Variants in NPHP4 observed in about 807,000 individuals in gnomAD.
NPHP4 encodes nephrocystin-4.
In NPHP4, 151 loss-of-function variants were observed where a neutral mutation model predicts 155.8. That is an observed-to-expected ratio of 0.97 (90% CI 0.85 to 1.11). The LOEUF is 1.11. Among genes scored for constraint, NPHP4 ranks in the 50% least tolerant of loss-of-function variants. NPHP4 has a pLI of 0.00. For synonymous variants in NPHP4, 845 were observed against 816.8 expected, an observed-to-expected ratio of 1.03 and a Z score of -0.59; for missense variants, 1,956 against 1,925.7, an observed-to-expected ratio of 1.02 and a Z score of -0.29.
chr1:5,863,701 CTT>C, intron 29 of NPHP4, 187 bp downstream of exon 29: 2 of 658,232 alleles, frequency 3.0e-6, no homozygotes, highest in South Asian at 3.7e-5. Context: ...TCAGGAGAAA[CTT>C]TGCTAAATCT....
At chr1:5,915,492 G>A (rs1288577210) in intron 11 of NPHP4, among the ~76,000 whole-genome samples, 3 of 152,200 alleles carry the variant, frequency 2.0e-5, no homozygotes, top group African/African-American at 7.2e-5. Context: ...TTGTTCCTAA[G>A]AGTTTGAAAA....
chr1:5,975,208 G>T (rs1653327415), intron 3 of NPHP4, among the ~76,000 whole-genome samples: 3 of 152,154 alleles, frequency 2.0e-5, no homozygotes, highest in Admixed American at 1.3e-4. Context: ...ACACATGTTT[G>T]CACACACAGT....
rs34248917 is a variant in NPHP4 at position 5,890,953 on chromosome 1, C to A, written c.2219G>T (p.Arg740Leu). 2 of 1,602,832 alleles carry A rather than the reference C, an allele frequency of 1.2e-6. No individual in the cohort carries two copies. The highest frequency in any genetic ancestry group is 2.2e-5 in the South Asian group (2 of 89,974). ...LKPGERRCFA[R>L]YLAVQTLQID... ...CTGCAGGGTCTGCACGGCCAGGTAG[C>A]GGGCAAAGCAGCGCCGCTCACCTGG... The change falls in exon 17 of 30, where the codon CGC becomes CTC. Residue 740 changes from arginine to leucine, a missense_variant. Coordinates refer to ENST00000378156, the MANE Select transcript of NPHP4 (RefSeq NM_015102.5). The surrounding 1 kb of genome is among the most constrained non-coding windows in gnomAD (Gnocchi z 4.9).
Position 5,892,998 on chromosome 1 carries a change from C to A in NPHP4, c.2144-1970G>T, listed in dbSNP as rs1289217874. 2.0e-5 allele frequency among the ~76,000 whole-genome samples: 3 copies of A among 152,170 alleles called. No individual in the cohort carries two copies. Among genetic ancestry groups the A allele is most frequent in the Non-Finnish European group, 2.9e-5 (2 of 68,044 alleles). ...CTCTCCATTCAAAGGCAGATCCAGG[C>A]AACGATGAATGAGTGACAATCTAGA... On this transcript the variant is annotated intron_variant, in intron 16 of 29. Transcript: ENST00000378156. The surrounding 1 kb of genome is among the most constrained non-coding windows in gnomAD (Gnocchi z 4.5).
chr1:5,949,370 A>ACACACACACACACACACACACACC (rs55949618), intron 7 of NPHP4, among the ~76,000 whole-genome samples: 1 of 149,146 alleles, frequency 6.7e-6, no homozygotes, highest in Non-Finnish European at 1.5e-5. Context: ...ACACACACAC[A>ACACACACACACACACACACACACC]ACTTGCTAAC....
intron 9 of NPHP4, among the ~76,000 whole-genome samples, chr1:5,936,564 CTTT>C (rs1359537703): frequency 6.6e-6 from 1 of 151,752 alleles, no homozygotes; most frequent in African/African-American, 2.4e-5. Flanking sequence ...CCCATTTAGA[CTTT>C]TTAAGTATAA....
At chr1:5,902,709 G>A (rs909455176) in intron 16 of NPHP4, among the ~76,000 whole-genome samples, 1 of 151,948 alleles carries the variant, frequency 6.6e-6, no homozygotes, top group Non-Finnish European at 1.5e-5. Context: ...CACCAACATA[G>A]GCATTTAAAA....
chr1:5,874,682 C>G (rs749296172), intron 21 of NPHP4, 25 bp from the exon 22 acceptor site: 3 of 1,607,118 alleles, frequency 1.9e-6, no homozygotes, highest in Non-Finnish European at 2.5e-6. Flanking sequence ...GTCCAGGCGT[C>G]AGGGCAGTTC....
intron 7 of NPHP4, among the ~76,000 whole-genome samples, chr1:5,951,619 C>A (rs1165168048): frequency 9.8e-5 from 15 of 152,340 alleles, no homozygotes. Context: ...GTTCCCCCTG[C>A]TGCTGGCGAC....
At chr1:5,887,585 G>A (rs1315981396) in intron 17 of NPHP4, 119 bp from the exon 18 acceptor site, 29 of 1,088,048 alleles carry the variant, frequency 2.7e-5, no homozygotes, top group Non-Finnish European at 3.6e-5. Context: ...GGGAGGGGGT[G>A]TGCGCAGGAT....
chr1:5,988,877 A>T (rs1004493028), intron 1 of NPHP4, among the ~76,000 whole-genome samples: 1 of 152,092 alleles, frequency 6.6e-6, no homozygotes, highest in East Asian at 1.9e-4. Flanking sequence ...CCCACAGTGC[A>T]CGCAGATGCT....
chr1:5,936,480 T>C (rs1646546326), intron 9 of NPHP4, among the ~76,000 whole-genome samples: 1 of 152,120 alleles, frequency 6.6e-6, no homozygotes, highest in Non-Finnish European at 1.5e-5. Flanking sequence ...TCATCATTCC[T>C]TTTCCTGCCC....
intron 11 of NPHP4, among the ~76,000 whole-genome samples, chr1:5,925,944 T>C (rs1232144765): frequency 6.6e-6 from 1 of 152,220 alleles, no homozygotes; most frequent in Non-Finnish European, 1.5e-5. Context: ...TGATCCTTTA[T>C]TATGACCCTT....
At chr1:5,979,210 A>G (rs958339789) in intron 2 of NPHP4, among the ~76,000 whole-genome samples, 3 of 152,234 alleles carry the variant, frequency 2.0e-5, no homozygotes, top group Non-Finnish European at 4.4e-5. Flanking sequence ...TTACTTACAC[A>G]TCTATTCTGC....
At chr1:5,913,237 GGT>G (rs1645283668) in intron 11 of NPHP4, among the ~76,000 whole-genome samples, 1 of 152,046 alleles carries the variant, frequency 6.6e-6, no homozygotes, top group African/African-American at 2.4e-5. Context: ...CCTGAGATGG[GGT>G]TGCCAGCACA....
In NPHP4 at chr1:5,874,521, C is replaced by T. The variant is rs143020939; in HGVS notation, c.3181G>A (p.Val1061Ile). 1.8e-4 allele frequency: 291 copies of T among 1,585,582 alleles called. No individual in the cohort carries two copies. Among genetic ancestry groups the T allele is most frequent in the African/African-American group, 1.7e-3 (127 of 74,350 alleles). The change falls in exon 22 of 30, where the codon GTC (valine) becomes ATC (isoleucine). Residue 1061 changes from valine (V) to isoleucine (I), a missense_variant. Physicochemically the swap from Val to Ile is conservative, Grantham distance 29. Coordinates refer to ENST00000378156, the MANE Select transcript of NPHP4 (RefSeq NM_015102.5). ...LYLRPHETAHVPFKFQSFSAG... is the reference protein window; with the variant it reads ...LYLRPHETAHIPFKFQSFSAG... ...GAGAAGCTCTGGAACTTGAAGGGGA[C>T]GTGGGCGGTCTCGTGGGGGCGCAGG...
chr1:5,879,380 T>C (rs990814540), intron 19 of NPHP4: 7 of 375,820 alleles, frequency 1.9e-5, no homozygotes, highest in African/African-American at 4.2e-5. Flanking sequence ...AGAGCCTCCC[T>C]GCTGTGAAAC....
chr1:5,989,464 ACAT>A (rs1655929802), intron 1 of NPHP4, among the ~76,000 whole-genome samples: 1 of 152,168 alleles, frequency 6.6e-6, no homozygotes, highest in African/African-American at 2.4e-5. Context: ...TCCCTTGGTC[ACAT>A]CATTCGTCAC....
intron 11 of NPHP4, among the ~76,000 whole-genome samples, chr1:5,918,109 G>A (rs1645566546): frequency 6.6e-6 from 1 of 152,144 alleles, no homozygotes; most frequent in Non-Finnish European, 1.5e-5. Flanking sequence ...AACAGTAGCA[G>A]GGAAGGAAGG....
Sources: allele counts gnomAD v4.1 joint callset (sites outside exome capture counted in the v4.1 genomes callset), GRCh38; gene constraint gnomAD v4.1.1; non-coding constraint Gnocchi (gnomAD v3.1); transcripts MANE v1.5; gene names NCBI Gene and HGNC (gene_info 2026-07-23, HGNC 2026-07-21).